Variants in TENM4 observed in about 807,000 individuals in gnomAD.
The protein encoded by TENM4 is teneurin transmembrane protein 4, also known as teneurin-4.
TENM4 carries 82 observed loss-of-function variants against 243.3 expected under a neutral mutation model. The observed-to-expected ratio is 0.34, with a 90% CI of 0.28 to 0.40. The LOEUF is 0.40. TENM4 is among the 10% of genes least tolerant of loss of function. The pLI is 1.00. For synonymous variants in TENM4, 1,412 were observed against 1,456.3 expected, an observed-to-expected ratio of 0.97 and a Z score of 0.69; for missense variants, 3,138 against 3,673.3, an observed-to-expected ratio of 0.85 and a Z score of 3.77.
At chr11:79,022,872 C>A (rs932131643) in intron 6 of TENM4, among the ~76,000 whole-genome samples, 1 of 152,162 alleles carries the variant, frequency 6.6e-6, no homozygotes, top group South Asian at 2.1e-4. Flanking sequence ...AAATGTGCCA[C>A]TCACTATGTT....
intron 2 of TENM4, among the ~76,000 whole-genome samples, chr11:79,221,874 G>C (rs1864163391): frequency 6.6e-6 from 1 of 152,150 alleles, no homozygotes; most frequent in African/African-American, 2.4e-5. Flanking sequence ...AAGCCAACCA[G>C]CTCTGGACAT....
chr11:79,088,538 C>T (rs969573533), intron 4 of TENM4, among the ~76,000 whole-genome samples: 2 of 152,192 alleles, frequency 1.3e-5, no homozygotes, highest in African/African-American at 4.8e-5. Context: ...TCCTCTATAT[C>T]ATCTTTGAAG....
intron 8 of TENM4, among the ~76,000 whole-genome samples, chr11:78,890,359 G>C (rs1855635695): frequency 6.6e-6 from 1 of 152,164 alleles, no homozygotes; most frequent in Non-Finnish European, 1.5e-5. Flanking sequence ...CTGTTTCTTG[G>C]GGAATAAACT....
rs144863681 is a variant in TENM4, at chr11:79,035,041, C to T, written c.493+29697G>A. 1.6e-3 allele frequency among the ~76,000 whole-genome samples: 243 copies of T among 152,308 alleles called. No homozygotes were observed. In the Middle Eastern group the frequency reaches 0.024, roughly 15 times the overall value. Reference sequence around the variant, plus strand: ...TGAAAAAGTACTGCTCTAGAACATGCAAGGACATGAGGCCTTTGAGTTGGC... The same window carrying T: ...TGAAAAAGTACTGCTCTAGAACATGTAAGGACATGAGGCCTTTGAGTTGGC... On this transcript the variant is annotated intron_variant, in intron 6 of 33. Transcript: ENST00000278550.
rs764103605 is a variant in TENM4 at position 78,732,563 on chromosome 11, G to T, written c.2891C>A (p.Thr964Lys). The T allele has an allele frequency of 1.1e-5, 17 of 1,603,196 alleles. No homozygotes were observed. Among genetic ancestry groups the T allele is most frequent in the Non-Finnish European group, 1.5e-5 (17 of 1,172,162 alleles). ...CAGGATGATGGAGATGCCGCCATTT[G>T]TCACCAAGTCAAAGCTGTTTGGGAG... is the stretch of plus-strand genomic sequence containing the variant. Reference protein sequence around the residue: ...SRQDGSFDLVTNGGISIILRF... With the variant: ...SRQDGSFDLVKNGGISIILRF... The change falls in exon 21 of 34, where the codon ACA (threonine) becomes AAA (lysine). Residue 964 changes from threonine to lysine, a missense_variant. Around this residue, in one of 2 missense-constraint regions of TENM4, gnomAD observed 2,467 missense variants for 3,059.1 expected, o/e 0.81. Coordinates refer to ENST00000278550, the MANE Select transcript of TENM4 (RefSeq NM_001098816.3).
Position 78,889,926 on chromosome 11 carries a change from G to A in TENM4, c.943C>T (p.Pro315Ser), listed in dbSNP as rs1303674624. The A allele has an allele frequency of 4.5e-6, 7 of 1,551,748 alleles. No individual in the cohort carries two copies. The highest frequency in any genetic ancestry group is 5.2e-6 in the Non-Finnish European group (6 of 1,147,022). Residue 315 changes from proline to serine, a missense_variant, in exon 9 of 34, where the codon CCC becomes TCC. This residue lies in a region of TENM4 where 671 missense variants were observed against 614.1 expected (regional missense o/e 1.09). Transcript: ENST00000278550. ...AAGGTGCTGCGGGGCAGGGGTCGGG[G>A]CGGAGGAGAGTACACTGTGCTGGAC... ...LTSSTVYSPP[P>S]RPLPRSTFAR...
chr11:79,413,865 A>C (rs1858754591), intron 1 of TENM4, among the ~76,000 whole-genome samples: 1 of 151,670 alleles, frequency 6.6e-6, no homozygotes, highest in Non-Finnish European at 1.5e-5. Flanking sequence ...TCATGTCTGC[A>C]AAAAAAAGGA....
chr11:79,244,133 A>C (rs1182605138), intron 2 of TENM4, among the ~76,000 whole-genome samples: 2 of 152,260 alleles, frequency 1.3e-5, no homozygotes, highest in Non-Finnish European at 2.9e-5. Context: ...CCACCCCCAG[A>C]GTTTGTGACT....
intron 17 of TENM4, among the ~76,000 whole-genome samples, chr11:78,773,376 G>T (rs1048894607): frequency 6.6e-6 from 1 of 152,072 alleles, no homozygotes; most frequent in African/African-American, 2.4e-5. Context: ...TTTTGGGGGC[G>T]GTTAAGTAAG....
At chr11:78,693,055 A>C (rs899942040) in intron 28 of TENM4, among the ~76,000 whole-genome samples, 1 of 152,246 alleles carries the variant, frequency 6.6e-6, no homozygotes, top group African/African-American at 2.4e-5. Flanking sequence ...CTTAGTGCCC[A>C]GAGGAGTACC....
chr11:79,205,080 G>T (rs1200446533), intron 3 of TENM4, among the ~76,000 whole-genome samples: 1 of 152,086 alleles, frequency 6.6e-6, no homozygotes, highest in Non-Finnish European at 1.5e-5. Flanking sequence ...GAGATTGGGG[G>T]GCACACCGTT....
At chr11:78,699,409 A>G (rs912680197) in intron 28 of TENM4, among the ~76,000 whole-genome samples, 1 of 152,216 alleles carries the variant, frequency 6.6e-6, no homozygotes, top group Non-Finnish European at 1.5e-5. Flanking sequence ...TCTGTACTTC[A>G]TATGTAAAAA....
intron 12 of TENM4, among the ~76,000 whole-genome samples, chr11:78,822,703 TGCACATGTACC>T: frequency 6.6e-6 from 1 of 152,154 alleles, no homozygotes; most frequent in East Asian, 1.9e-4. Context: ...CTGCACGTCA[TGCACATGTACC>T]CTGGAACTTA....
At chr11:79,217,904 TG>T (rs1352209946) in intron 2 of TENM4, among the ~76,000 whole-genome samples, 2 of 152,124 alleles carry the variant, frequency 1.3e-5, no homozygotes, top group Admixed American at 1.3e-4. Context: ...TGTATTTAGA[TG>T]GGGTTTCGCC....
At position 79,224,159 on chromosome 11, in the gene TENM4, T is replaced by C. The variant is rs111241464; in HGVS notation, c.-264-8250A>G. Among the ~76,000 whole-genome samples the C allele has an allele frequency of 6.5e-4, 99 of 152,296 alleles. 1 individual carries two copies. The highest frequency in any genetic ancestry group is 2.3e-3 in the African/African-American group (95 of 41,554). On this transcript the variant is annotated intron_variant, in intron 2 of 33. Coordinates refer to ENST00000278550, the MANE Select transcript of TENM4 (RefSeq NM_001098816.3). The stretch of plus-strand genomic sequence containing the variant: ...AGACAGGATGAACTCCTTGTTGCTA[T>C]CAATTCTCTATGATTTAGAGGATGA...
intron 6 of TENM4, among the ~76,000 whole-genome samples, chr11:79,059,384 T>C (rs144539487): frequency 6.6e-6 from 1 of 152,152 alleles, no homozygotes; most frequent in Non-Finnish European, 1.5e-5. Flanking sequence ...ATAACATGAG[T>C]GGAATGAAGG....
At chr11:78,963,420 A>G (rs1029223091) in intron 6 of TENM4, among the ~76,000 whole-genome samples, 1 of 152,240 alleles carries the variant, frequency 6.6e-6, no homozygotes, top group African/African-American at 2.4e-5. Context: ...GCACAGACAT[A>G]TAAAAGTATA....
At chr11:79,159,028 G>C (rs1210571828) in intron 3 of TENM4, among the ~76,000 whole-genome samples, 2 of 152,192 alleles carry the variant, frequency 1.3e-5, no homozygotes, top group Non-Finnish European at 2.9e-5. Flanking sequence ...GTTGAAGTGA[G>C]TGGCATGGAG....
intron 19 of TENM4, among the ~76,000 whole-genome samples, chr11:78,745,816 A>G (rs1856038834): frequency 6.6e-6 from 1 of 152,212 alleles, no homozygotes; most frequent in Non-Finnish European, 1.5e-5. Flanking sequence ...AAACTTGAAT[A>G]TGCTATTTAT....
Sources: allele counts gnomAD v4.1 joint callset (sites outside exome capture counted in the v4.1 genomes callset), GRCh38; gene constraint gnomAD v4.1.1; regional missense constraint gnomAD v4.1.1; transcripts MANE v1.5; gene names NCBI Gene and HGNC (gene_info 2026-07-23, HGNC 2026-07-21).